The following CELF2 variants were observed in gnomAD, a reference collection of about 807,000 sequenced individuals.
CELF2 encodes CUGBP Elav-like family member 2.
A neutral mutation model predicts 62.6 loss-of-function variants in CELF2; 8 were observed. The ratio of observed to expected loss-of-function variants is 0.13; its 90% CI spans 0.07 to 0.23. The LOEUF (loss-of-function observed/expected upper bound fraction) is 0.23. Ranked by LOEUF, CELF2 falls within the 10% of genes least tolerant of loss-of-function variation. The pLI is 1.00. For missense variants in CELF2, 333 were observed against 671.0 expected (o/e 0.50, Z 5.56); for synonymous variants, 258 against 250.0 (o/e 1.03, Z -0.30).
rs186852486 is a variant in CELF2, at chr10:11,300,680, C to A, written c.976+12128C>A. On this transcript the variant is annotated intron_variant, in intron 9 of 12. Transcript: ENST00000633077. The surrounding 1 kb of genome is among the most constrained non-coding windows in gnomAD (Gnocchi z 5.5). ...CCAGGGTTGTGATTGGCTAGTAATGCTAGTGCCTGTGTCATGGCTTAATTA... is the reference window on the plus strand; with the variant it reads ...CCAGGGTTGTGATTGGCTAGTAATGATAGTGCCTGTGTCATGGCTTAATTA... 4.3e-4 allele frequency among the ~76,000 whole-genome samples: 65 copies of A among 152,264 alleles called. 1 individual carries two copies. Among genetic ancestry groups the A allele is most frequent in the African/African-American group, 1.5e-3 (61 of 41,566 alleles).
the CELF2 span, among the ~76,000 whole-genome samples, chr10:10,557,252 G>A: frequency 6.8e-6 from 1 of 146,414 alleles, no homozygotes; most frequent in Admixed American, 6.8e-5. Context: ...TTCTACATAT[G>A]GCTAGCCAGT....
At chr10:10,465,095 C>A in the CELF2 span, among the ~76,000 whole-genome samples, 1 of 152,098 alleles carries the variant, frequency 6.6e-6, no homozygotes, top group Non-Finnish European at 1.5e-5. Context: ...ATTTTACACA[C>A]AGACATATGG....
chr10:10,700,071 C>T, the CELF2 span, among the ~76,000 whole-genome samples: 4 of 152,186 alleles, frequency 2.6e-5, no homozygotes, highest in East Asian at 7.7e-4. Flanking sequence ...AAGGGTTACC[C>T]CTTTGGATTT....
chr10:11,024,030 T>G (rs2058744273), intron 1 of CELF2, among the ~76,000 whole-genome samples: 1 of 152,226 alleles, frequency 6.6e-6, no homozygotes, highest in Non-Finnish European at 1.5e-5. Flanking sequence ...AGACCCATTT[T>G]TTTTCCTCCT....
chr10:10,816,800 T>C (rs569175531), intron 1 of CELF2, among the ~76,000 whole-genome samples: 3 of 152,318 alleles, frequency 2.0e-5, no homozygotes, highest in East Asian at 1.9e-4. Flanking sequence ...GTTCAGGTAA[T>C]GGATTAAAGT....
chr10:10,811,748 T>G (rs2055917999), intron 1 of CELF2, among the ~76,000 whole-genome samples: 1 of 152,154 alleles, frequency 6.6e-6, no homozygotes, highest in South Asian at 2.1e-4. Context: ...GGAATCACCC[T>G]GGGGATGTGG....
At chr10:10,633,372 G>A in the CELF2 span, among the ~76,000 whole-genome samples, 4 of 152,134 alleles carry the variant, frequency 2.6e-5, no homozygotes, top group South Asian at 2.1e-4. Context: ...ATCTCTGCTA[G>A]TCTCTGGGAG....
the CELF2 span, among the ~76,000 whole-genome samples, chr10:10,573,335 T>C: frequency 3.9e-5 from 6 of 152,234 alleles, no homozygotes; most frequent in Non-Finnish European, 5.9e-5. Context: ...TTTCTTTGGC[T>C]GTGCAGAAGC....
chr10:10,781,517 G>C, the CELF2 span, among the ~76,000 whole-genome samples: 1 of 152,160 alleles, frequency 6.6e-6, no homozygotes, highest in African/African-American at 2.4e-5. Context: ...GTGTGTGCAG[G>C]GGAACTGCCC....
chr10:10,914,639 C>T (rs374875967), intron 1 of CELF2, among the ~76,000 whole-genome samples: 11 of 152,052 alleles, frequency 7.2e-5, no homozygotes, highest in African/African-American at 1.4e-4. Context: ...ATCACACCAA[C>T]GATGGTGTGG....
intron 1 of CELF2, among the ~76,000 whole-genome samples, chr10:11,150,890 G>C (rs1432379781): frequency 1.3e-5 from 2 of 152,202 alleles, no homozygotes; most frequent in South Asian, 2.1e-4. Context: ...TAGATGCTTT[G>C]TGTGGTTATT....
At chr10:11,185,909 G>A (rs1376790276) in intron 2 of CELF2, among the ~76,000 whole-genome samples, 7 of 152,160 alleles carry the variant, frequency 4.6e-5, no homozygotes, top group Admixed American at 4.6e-4. Flanking sequence ...TGTGTATAAA[G>A]TTGTATTATT....
At chr10:10,603,541 G>T in the CELF2 span, among the ~76,000 whole-genome samples, 2 of 152,094 alleles carry the variant, frequency 1.3e-5, no homozygotes, top group Admixed American at 6.5e-5. Context: ...AGAAAAGGGG[G>T]CTAATTATCA....
intron 2 of CELF2, among the ~76,000 whole-genome samples, chr10:10,923,250 A>G: frequency 6.6e-6 from 1 of 152,216 alleles, no homozygotes; most frequent in East Asian, 1.9e-4. Context: ...GAAAAATGCA[A>G]CTCAGGCAAC....
In CELF2 at chr10:10,875,788, G is replaced by A. The variant is rs541257747; in HGVS notation, c.54-44176G>A. Among the ~76,000 whole-genome samples, 4 of 152,168 alleles carry A rather than the reference G, an allele frequency of 2.6e-5. No homozygotes were observed. In the East Asian group the frequency reaches 7.7e-4, roughly 29 times the overall value. On this transcript the variant is annotated intron_variant, in intron 1 of 13. Transcript: ENST00000636488. The stretch of plus-strand genomic sequence containing the variant: ...ACTTCCATCTCCCTCTTCTGTTGAG[G>A]TTACTCTCCATACATCTCTTCCCTC...
At chr10:11,126,657 A>G (rs908883648) in intron 1 of CELF2, among the ~76,000 whole-genome samples, 1 of 152,226 alleles carries the variant, frequency 6.6e-6, no homozygotes, top group Non-Finnish European at 1.5e-5. Flanking sequence ...ACAAAACACA[A>G]TGTATTCGAG....
At position 11,207,712 on chromosome 10, in the gene CELF2, C is replaced by T. The variant is rs549404528; in HGVS notation, c.272-9713C>T. 2.0e-4 allele frequency among the ~76,000 whole-genome samples: 30 copies of T among 152,338 alleles called. No individual in the cohort carries two copies. The highest frequency in any genetic ancestry group is 3.9e-4 in the Admixed American group (6 of 15,302). ...ACGGAAGGCCCGATGGCAGCATCGCCCGTCAGCTTCCTAGGCAGTGGCCAG... is the reference window on the plus strand; with the variant it reads ...ACGGAAGGCCCGATGGCAGCATCGCTCGTCAGCTTCCTAGGCAGTGGCCAG... On this transcript the variant is annotated intron_variant, in intron 2 of 12. Transcript: ENST00000633077. This position sits in a 1 kb window ranked among gnomAD's most constrained non-coding sequence, Gnocchi z 4.1.
upstream of CELF2, among the ~76,000 whole-genome samples, chr10:11,013,729 A>T (rs2056832607): frequency 6.6e-6 from 1 of 152,214 alleles, no homozygotes. The surrounding 1 kb of genome is among the most constrained non-coding windows in gnomAD (Gnocchi z 4.1). Flanking sequence ...AAATGTGATA[A>T]TGTCACTGTT....
chr10:10,627,144 A>G, the CELF2 span, among the ~76,000 whole-genome samples: 1 of 152,172 alleles, frequency 6.6e-6, no homozygotes, highest in Non-Finnish European at 1.5e-5. Flanking sequence ...AAATACCCTC[A>G]TTGTATTTAT....
Sources: gnomAD v4.1 joint callset for allele counts (sites outside exome capture counted in the v4.1 genomes callset) on GRCh38, gnomAD v4.1.1 for gene constraint, Gnocchi (gnomAD v3.1) non-coding constraint, MANE v1.5 for transcripts, NCBI Gene and HGNC (gene_info 2026-07-23, HGNC 2026-07-21) for gene names.